Variants in BRAF observed in about 807,000 individuals in gnomAD.
The protein encoded by BRAF is serine/threonine-protein kinase B-raf.
A neutral mutation model predicts 104.6 loss-of-function variants in BRAF; 16 were observed. The observed-to-expected ratio is 0.15, with a 90% CI of 0.10 to 0.23. The LOEUF (loss-of-function observed/expected upper bound fraction) is 0.23, where lower values mean the gene tolerates loss of function less well. BRAF is among the 10% of genes least tolerant of loss of function. The pLI, the probability that BRAF is intolerant of heterozygous loss-of-function variation, is 1.00. For missense variants in BRAF, 541 were observed against 937.3 expected, an observed-to-expected ratio of 0.58 and a Z score of 5.52; for synonymous variants, 310 against 341.6, an observed-to-expected ratio of 0.91 and a Z score of 1.02.
chr7:140,805,582 A>C (rs1803579724), intron 5 of BRAF, among the ~76,000 whole-genome samples: 2 of 152,152 alleles, frequency 1.3e-5, no homozygotes, highest in South Asian at 2.1e-4. Context: ...ATACATAAAT[A>C]TGTATGGCAA....
At chr7:140,770,197 T>C (rs564086891) in intron 14 of BRAF, among the ~76,000 whole-genome samples, 1 of 152,328 alleles carries the variant, frequency 6.6e-6, no homozygotes, top group East Asian at 1.9e-4. Flanking sequence ...CAGAAAATTA[T>C]GTTCACTATA....
At chr7:140,834,027 T>C (rs1367622960) in intron 3 of BRAF, 1 of 153,730 alleles carries the variant, frequency 6.5e-6, no homozygotes, top group Non-Finnish European at 1.4e-5. Flanking sequence ...AAAGTAGTGA[T>C]GTATACAGAT....
intron 5 of BRAF, among the ~76,000 whole-genome samples, chr7:140,803,493 A>T (rs766117250): frequency 6.6e-6 from 1 of 152,250 alleles, no homozygotes; most frequent in Non-Finnish European, 1.5e-5. Flanking sequence ...AAGTAATCAT[A>T]TGAAAATTGA....
intron 1 of BRAF, among the ~76,000 whole-genome samples, chr7:140,869,008 T>C (rs1392366599): frequency 2.0e-5 from 3 of 152,178 alleles, no homozygotes; most frequent in Non-Finnish European, 4.4e-5. Flanking sequence ...TCCTCGACTC[T>C]ACAGTTTATA....
intron 1 of BRAF, 46 bp from the exon 2 acceptor site, chr7:140,850,258 T>C (rs1809019460): frequency 2.8e-6 from 4 of 1,410,960 alleles, no homozygotes; most frequent in Middle Eastern, 1.9e-4. Context: ...ACTTAGTATA[T>C]GAATTAGAAA....
chr7:140,720,496 A>G lies in BRAF; in HGVS notation c.*5998T>C. On this transcript the variant is annotated 3_prime_UTR_variant, in exon 20 of 20. Coordinates refer to ENST00000644969, the MANE Select transcript of BRAF (RefSeq NM_001374258.1). ...TTATATGTTGATATAGCTGGTTTTAATCAGCTATGGAACATACACAAATGT... is the reference window on the plus strand; with the variant it reads ...TTATATGTTGATATAGCTGGTTTTAGTCAGCTATGGAACATACACAAATGT... 4 of 1,064,742 alleles carry G rather than the reference A, an allele frequency of 3.8e-6. No individual in the cohort carries two copies. The highest frequency in any genetic ancestry group is 4.6e-6 in the Non-Finnish European group (4 of 878,946). 66.0% of individuals were successfully genotyped at this position (1,064,742 alleles called of 1,614,324 possible).
In BRAF at chr7:140,783,017, T is replaced by C. The variant is rs1258913948; in HGVS notation, c.1434+4A>G. 2.5e-6 allele frequency: 4 copies of C among 1,613,292 alleles called. No homozygotes were observed. In the African/African-American group the frequency reaches 5.3e-5, roughly 22 times the overall value. On this transcript the variant is annotated splice_donor_region_variant and intron_variant, in intron 11 of 19. Transcript: ENST00000644969. ...AGAGAAAAAAAGATATCATATACTC[T>C]TACCATTCGATTCCTGTCTTCTGAG...
intron 1 of BRAF, among the ~76,000 whole-genome samples, chr7:140,857,589 A>T (rs575335703): frequency 6.6e-5 from 10 of 152,244 alleles, no homozygotes; most frequent in Non-Finnish European, 1.5e-4. Context: ...ATTAATAAGC[A>T]TATTAGGTCT....
chr7:140,893,339 C>G (rs1419678350), intron 1 of BRAF, among the ~76,000 whole-genome samples: 1 of 151,790 alleles, frequency 6.6e-6, no homozygotes, highest in East Asian at 1.9e-4. Flanking sequence ...AAGCTCTGCC[C>G]CCAGGGTTCA....
At chr7:140,795,279 A>T (rs376030419) in intron 7 of BRAF, among the ~76,000 whole-genome samples, 1 of 152,170 alleles carries the variant, frequency 6.6e-6, no homozygotes, top group African/African-American at 2.4e-5. Context: ...TAAAGTTTTG[A>T]GACTAGATTG....
Position 140,724,483 on chromosome 7 carries a change from G to GT in BRAF, c.*2010dup, listed in dbSNP as rs1296081212. The GT allele has an allele frequency of 9.5e-7, 1 of 1,053,320 alleles. No homozygotes were observed. Among genetic ancestry groups the GT allele is most frequent in the South Asian group, 4.6e-5 (1 of 21,884 alleles). The allele number at this position is 1,053,320 out of a possible 1,614,324, so 65.2% of individuals were successfully genotyped here. On this transcript the variant is annotated 3_prime_UTR_variant, in exon 20 of 20. Coordinates refer to ENST00000644969, the MANE Select transcript of BRAF (RefSeq NM_001374258.1). ...TCCACCTTTGCAATTTCTGAATTTTGTAAGACACTGCCCTGCTGATGTAAA... is the reference window on the plus strand; with the variant it reads ...TCCACCTTTGCAATTTCTGAATTTTGTTAAGACACTGCCCTGCTGATGTAAA...
chr7:140,776,765 A>G, intron 14 of BRAF, 147 bp downstream of exon 13: 2 of 753,548 alleles, frequency 2.7e-6, no homozygotes, highest in Non-Finnish European at 4.5e-6. Flanking sequence ...TTTTAGTATC[A>G]TATTATTTAC....
chr7:140,740,781 C>G (rs1394722911), intron 17 of BRAF: 2 of 152,254 alleles, frequency 1.3e-5, no homozygotes, highest in Non-Finnish European at 2.9e-5. Flanking sequence ...TGTGTTATTT[C>G]CTGTTTGGTG....
At chr7:140,775,349 CTTTTTTT>C (rs760401887) in intron 14 of BRAF, among the ~76,000 whole-genome samples, 2 of 141,940 alleles carry the variant, frequency 1.4e-5, no homozygotes. Context: ...GATTTTAATT[CTTTTTTT>C]TTTTTTTTGA....
chr7:140,756,386 G>T (rs1181173568), intron 14 of BRAF, among the ~76,000 whole-genome samples: 2 of 152,090 alleles, frequency 1.3e-5, no homozygotes, highest in African/African-American at 4.8e-5. Flanking sequence ...GGAAGGAAAA[G>T]GGGGTCTAAT....
chr7:140,895,164 A>C (rs944506843), intron 1 of BRAF, among the ~76,000 whole-genome samples: 11 of 152,200 alleles, frequency 7.2e-5, no homozygotes, highest in African/African-American at 2.7e-4. Context: ...TTGCTTACTC[A>C]AAACTAGGAA....
intron 1 of BRAF, among the ~76,000 whole-genome samples, chr7:140,899,393 GT>G (rs1416862887): frequency 6.6e-6 from 1 of 152,170 alleles, no homozygotes; most frequent in Non-Finnish European, 1.5e-5. Flanking sequence ...CTAAGAGTGA[GT>G]GGTATTGCTG....
In BRAF at chr7:140,837,462, TCA is replaced by T. The variant is rs1293147242; in HGVS notation, c.241-2592_241-2591del. On this transcript the variant is annotated intron_variant, in intron 2 of 19. Transcript: ENST00000644969. ...TGTCTTCCTTCACATACTTTGCGGCTCACAACTACAACAATGCCATTGGTGAT... is the reference window on the plus strand; with the variant it reads ...TGTCTTCCTTCACATACTTTGCGGCTCAACTACAACAATGCCATTGGTGAT... Among the ~76,000 whole-genome samples the T allele has an allele frequency of 1.3e-5, 2 of 152,216 alleles. 1 individual carries two copies.
intron 3 of BRAF, among the ~76,000 whole-genome samples, chr7:140,812,093 CTTTGTT>C (rs1360723051): frequency 6.7e-6 from 1 of 149,988 alleles, no homozygotes; most frequent in African/African-American, 2.5e-5. Context: ...TCTTTTTTAT[CTTTGTT>C]TTTAATTTTT....
Sources: gnomAD v4.1 joint callset for allele counts (sites outside exome capture counted in the v4.1 genomes callset) on GRCh38, gnomAD v4.1.1 for gene constraint, MANE v1.5 for transcripts, NCBI Gene and HGNC (gene_info 2026-07-23, HGNC 2026-07-21) for gene names.